Variants in RNF6 observed in about 807,000 individuals in gnomAD.
The protein encoded by RNF6 is ring finger protein 6.
In RNF6, 21 loss-of-function variants were observed where a neutral mutation model predicts 50.1. That is an observed-to-expected ratio of 0.42 (90% CI 0.30 to 0.60). The LOEUF (loss-of-function observed/expected upper bound fraction) is 0.60, where lower values mean the gene tolerates loss of function less well. RNF6 is among the 20% of genes least tolerant of loss of function. RNF6 has a pLI of 0.20. For missense variants in RNF6, 698 were observed against 838.2 expected, an observed-to-expected ratio of 0.83 and a Z score of 2.07; for synonymous variants, 255 against 291.8, an observed-to-expected ratio of 0.87 and a Z score of 1.29.
intron 5 of RNF6, among the ~76,000 whole-genome samples, chr13:26,143,763 C>G (rs1030060742): frequency 1.1e-4 from 16 of 152,180 alleles, no homozygotes; most frequent in African/African-American, 3.9e-4. Context: ...TCTATCAAGC[C>G]AGGTCCTTCA....
chr13:26,173,068 AAAGACGAGGACAATGCCAAAGATTGGC>A (rs1872778817), intron 5 of RNF6, among the ~76,000 whole-genome samples: 1 of 152,260 alleles, frequency 6.6e-6, no homozygotes, highest in Non-Finnish European at 1.5e-5. Flanking sequence ...ACTAAAAATT[AAAGACGAGGACAATGCCAAAGATTGGC>A]AAGACCACGG....
In RNF6 at chr13:26,196,560, G is replaced by A. The variant is rs183826980; in HGVS notation, n.768+18914C>T. On this transcript the variant is annotated intron_variant and non_coding_transcript_variant, in intron 5 of 5. Coordinates refer to the RNF6 transcript ENST00000468480. ...AAGCAGGAGAATTGCTTGAACCTGG[G>A]AGACGGAGGTTGCCGTGAGCAGAGA... Among the ~76,000 whole-genome samples the A allele has an allele frequency of 3.3e-5, 5 of 150,114 alleles. 1 individual carries two copies. The highest frequency in any genetic ancestry group is 1.3e-4 in the African/African-American group (5 of 39,602).
downstream of RNF6, among the ~76,000 whole-genome samples, chr13:26,211,483 G>C (rs1869319619): frequency 6.6e-6 from 1 of 152,202 alleles, no homozygotes; most frequent in Admixed American, 6.5e-5. Flanking sequence ...AACGGGCCAG[G>C]CATGGTGGCT....
At chr13:26,184,016 ATATTTTTTTTTT>A (rs1257995666) in intron 5 of RNF6, among the ~76,000 whole-genome samples, 4,186 of 37,688 alleles carry the variant, frequency 0.11, 27 homozygotes, top group Middle Eastern at 0.2. Flanking sequence ...ATATATATAT[ATATTTTTTTTTT>A]TTTTTTTTTT....
chr13:26,153,621 G>A (rs1159517421), intron 5 of RNF6, among the ~76,000 whole-genome samples: 1 of 152,096 alleles, frequency 6.6e-6, no homozygotes, highest in Non-Finnish European at 1.5e-5. Context: ...TAAATTGCAG[G>A]GTTCATAACA....
Position 26,218,569 on chromosome 13 carries a change from A to T in RNF6, c.231T>A (p.Asp77Glu). The change falls in exon 4 of 5, where the codon GAT (aspartate) becomes GAA (glutamate). Residue 77 changes from aspartate to glutamate, a missense_variant. Physicochemically the swap from Asp to Glu is conservative, Grantham distance 45. Transcript: ENST00000381588. ...ITSEELQQRL[D>E]GVKEQLASQP... The stretch of plus-strand genomic sequence containing the variant: ...GAGATGCTAGTTGTTCCTTGACGCC[A>T]TCTAACCGCTGTTGCAGTTCTTCTG... The T allele has an allele frequency of 6.2e-7, 1 of 1,613,968 alleles. No individual in the cohort carries two copies.
chr13:26,214,104 A>G lies in RNF6; in HGVS notation c.1778T>C (p.Leu593Ser), dbSNP rs1274996505. The stretch of plus-strand genomic sequence containing the variant: ...ATCATCATCATCACTTTCATTTAGT[A>G]AAAAAAAGTGAGCAAGGCGAAGAAT... ...LPILRLAHFF[L>S]LNESDDDDRI... Residue 593 changes from leucine to serine, a missense_variant, in exon 5 of 5, where the codon TTA becomes TCA. Leu to Ser is a moderately radical substitution (Grantham distance 145). Coordinates refer to ENST00000381588, the MANE Select transcript of RNF6 (RefSeq NM_005977.4). 1.9e-6 allele frequency: 3 copies of G among 1,613,736 alleles called. No homozygotes were observed. The highest frequency in any genetic ancestry group is 2.5e-6 in the Non-Finnish European group (3 of 1,179,906).
At position 26,215,502 on chromosome 13, in the gene RNF6, C is replaced by T. The variant is rs1289738051; in HGVS notation, c.380G>A (p.Gly127Glu). ...FRRTGNATRS[G>E]QNGNQTWRAV... is the part of the protein sequence containing the mutation. Reference sequence around the variant, plus strand: ...TCTCCAAGTTTGGTTCCCATTTTGTCCACTTCGAGTTGCATTTCCTGTGCG... The same window carrying T: ...TCTCCAAGTTTGGTTCCCATTTTGTTCACTTCGAGTTGCATTTCCTGTGCG... The change falls in exon 5 of 5, where the codon GGA becomes GAA. Residue 127 changes from glycine (G) to glutamate (E), a missense_variant. Transcript: ENST00000381588. The T allele has an allele frequency of 6.2e-7, 1 of 1,613,990 alleles. No homozygotes were observed. Among genetic ancestry groups the T allele is most frequent in the Admixed American group, 1.7e-5 (1 of 60,018 alleles).
downstream of RNF6, among the ~76,000 whole-genome samples, chr13:26,210,873 T>G (rs116710782): frequency 6.5e-3 from 984 of 152,176 alleles, 6 homozygotes; most frequent in African/African-American, 0.022. Context: ...TGGCTGAAAC[T>G]AAAAAAATCT....
intron 5 of RNF6, among the ~76,000 whole-genome samples, chr13:26,193,140 G>A (rs1443103244): frequency 1.3e-5 from 2 of 152,162 alleles, no homozygotes; most frequent in Non-Finnish European, 2.9e-5. Flanking sequence ...TAAGATACCA[G>A]TAAGCAGTTG....
intron 5 of RNF6, among the ~76,000 whole-genome samples, chr13:26,157,037 G>C (rs1871963576): frequency 6.6e-6 from 1 of 152,160 alleles, no homozygotes; most frequent in African/African-American, 2.4e-5. Flanking sequence ...AGAATGCCTA[G>C]GGTTGGGGTG....
chr13:26,218,190 GAAGCT>G, intron 4 of RNF6, among the ~76,000 whole-genome samples: 1 of 152,152 alleles, frequency 6.6e-6, no homozygotes, highest in Non-Finnish European at 1.5e-5. Flanking sequence ...TAAATTTTTA[GAAGCT>G]AAGTAATATC....
intron 5 of RNF6, among the ~76,000 whole-genome samples, chr13:26,201,469 G>A (rs1043082763): frequency 7.9e-5 from 12 of 152,140 alleles, no homozygotes; most frequent in African/African-American, 2.9e-4. Context: ...CAATAACGGA[G>A]GCAGAAGATA....
chr13:26,133,318 A>G (rs1372402225), intron 5 of RNF6, among the ~76,000 whole-genome samples: 1 of 151,924 alleles, frequency 6.6e-6, no homozygotes, highest in East Asian at 1.9e-4. Flanking sequence ...GCTGGTATGG[A>G]TTTGTTTGGA....
rs1476311341 is a variant in RNF6 at position 26,213,880 on chromosome 13, T to G, written c.2002A>C (p.Thr668Pro). 1 of 1,613,924 alleles carries G rather than the reference T, an allele frequency of 6.2e-7. No homozygotes were observed. The highest frequency in any genetic ancestry group is 1.7e-5 in the Admixed American group (1 of 59,962). ...ACAGGCTGCCGACAGATCGGACAAGTGCAATTCTCTGAGAGCCATCGGTCA... is the reference window on the plus strand; with the variant it reads ...ACAGGCTGCCGACAGATCGGACAAGGGCAATTCTCTGAGAGCCATCGGTCA... ...CIDRWLSENC[T>P]CPICRQPVLG... The change falls in exon 5 of 5, where the codon ACT becomes CCT. Residue 668 changes from threonine to proline, a missense_variant. Transcript: ENST00000381588.
rs148532385 is a variant in RNF6, at chr13:26,216,544, C to T, written c.290-952G>A. 3.9e-3 allele frequency among the ~76,000 whole-genome samples: 592 copies of T among 151,944 alleles called. 6 individuals carry two copies. Among genetic ancestry groups the T allele is most frequent in the African/African-American group, 0.013 (558 of 41,410 alleles). ...TTTTGACTAAGATACTGCCACTGTG[C>T]CAAGCTTAAATTTTCCATTTATAAC... On this transcript the variant is annotated intron_variant, in intron 4 of 4. Coordinates refer to ENST00000381588, the MANE Select transcript of RNF6 (RefSeq NM_005977.4).
chr13:26,132,296 A>T, exon 6 of RNF6: 1 of 342,224 alleles, frequency 2.9e-6, no homozygotes, highest in Admixed American at 4.0e-5. Context: ...AAAGAAAAAA[A>T]ACTGTTTGTG....
At chr13:26,200,901 A>C (rs558365356) in intron 5 of RNF6, among the ~76,000 whole-genome samples, 2 of 152,232 alleles carry the variant, frequency 1.3e-5, no homozygotes, top group Non-Finnish European at 2.9e-5. Flanking sequence ...AGCAAGACTC[A>C]AAGTAAGTAA....
Position 26,215,527 on chromosome 13 carries a change from G to C in RNF6, c.355C>G (p.Arg119Gly). Reference sequence around the variant, plus strand: ...CCACTTCGAGTTGCATTTCCTGTGCGCCGAAAGGTGTTCAACCATTCTAGA... The same window carrying C: ...CCACTTCGAGTTGCATTTCCTGTGCCCCGAAAGGTGTTCAACCATTCTAGA... The part of the protein sequence containing the change: ...SLLEWLNTFR[R>G]TGNATRSGQN... The change falls in exon 5 of 5, where the codon CGC becomes GGC. Residue 119 changes from arginine (R) to glycine (G), a missense_variant. Physicochemically the swap from Arg to Gly is moderately radical, Grantham distance 125. Coordinates refer to ENST00000381588, the MANE Select transcript of RNF6 (RefSeq NM_005977.4). 1 of 1,612,984 alleles carries C rather than the reference G, an allele frequency of 6.2e-7. No homozygotes were observed. The highest frequency in any genetic ancestry group is 1.3e-5 in the African/African-American group (1 of 74,996).
Sources: allele counts gnomAD v4.1 joint callset (sites outside exome capture counted in the v4.1 genomes callset), GRCh38; gene constraint gnomAD v4.1.1; transcripts MANE v1.5; gene names NCBI Gene and HGNC (gene_info 2026-07-23, HGNC 2026-07-21).